Variants in TRPM3 observed in about 807,000 individuals in gnomAD.
The protein encoded by TRPM3 is transient receptor potential cation channel subfamily M member 3.
A neutral mutation model predicts 181.2 loss-of-function variants in TRPM3; 77 were observed. The ratio of observed to expected loss-of-function variants is 0.42; its 90% confidence interval spans 0.35 to 0.51. The LOEUF (loss-of-function observed/expected upper bound fraction) is 0.51, where lower values mean the gene tolerates loss of function less well. TRPM3 is among the 20% of genes least tolerant of loss of function. TRPM3 has a pLI of 0.01. For synonymous variants in TRPM3, 745 were observed against 796.4 expected (o/e 0.94, Z 1.09); for missense variants, 1,759 against 2,196.7 (o/e 0.80, Z 3.98).
chr9:70,557,652 C>A (rs1404771234), intron 22 of TRPM3, among the ~76,000 whole-genome samples: 1 of 152,126 alleles, frequency 6.6e-6, no homozygotes, highest in African/African-American at 2.4e-5. Flanking sequence ...CAGAGAAATG[C>A]CCCCGGGACA....
chr9:70,877,128 T>C (rs1390417193), intron 1 of TRPM3, among the ~76,000 whole-genome samples: 1 of 152,000 alleles, frequency 6.6e-6, no homozygotes, highest in Non-Finnish European at 1.5e-5. Flanking sequence ...AATTAGCTCA[T>C]GGCATTTCAT....
chr9:70,880,346 C>T (rs551731264), intron 1 of TRPM3, among the ~76,000 whole-genome samples: 1 of 152,028 alleles, frequency 6.6e-6, no homozygotes, highest in African/African-American at 2.4e-5. Context: ...TTTTTTAAGC[C>T]TTAGAAAATA....
At chr9:71,198,472 A>G (rs1209010005) in intron 1 of TRPM3, among the ~76,000 whole-genome samples, 1 of 152,204 alleles carries the variant, frequency 6.6e-6, no homozygotes, top group African/African-American at 2.4e-5. Context: ...CAGTATGGCC[A>G]TCTTCATGAT....
rs1370629477 is a variant in TRPM3 at position 70,573,987 on chromosome 9, C to CACAA, written c.3223+17043_3223+17044insTTGT. Among the ~76,000 whole-genome samples, 3 of 85,148 alleles carry CACAA rather than the reference C, an allele frequency of 3.5e-5. No homozygotes were observed. The East Asian group carries it at 7.6e-4, about 21-fold the overall frequency. The allele number at this position is 85,148 out of a possible 152,430, so 55.9% of individuals were successfully genotyped here. A position where few individuals can be genotyped will look rare whatever the true frequency, so the allele number is the denominator to read the frequency against. ...GCAATTCATTTCACACACACACACA[C>CACAA]ACACACACACACACACACACACACA... On this transcript the variant is annotated intron_variant, in intron 22 of 25. Transcript: ENST00000677713.
At chr9:70,876,461 G>T (rs1372069496) in intron 1 of TRPM3, among the ~76,000 whole-genome samples, 1 of 151,204 alleles carries the variant, frequency 6.6e-6, no homozygotes, top group Non-Finnish European at 1.5e-5. Flanking sequence ...AAATATGTAT[G>T]ATTAGTCGAT....
At chr9:70,795,183 A>G (rs572522702) in intron 6 of TRPM3, among the ~76,000 whole-genome samples, 241 of 152,334 alleles carry the variant, frequency 1.6e-3, no homozygotes, top group African/African-American at 5.5e-3. Flanking sequence ...TTTGGAACCA[A>G]TCCCCCATGG....
Position 70,862,847 on chromosome 9 carries a change from C to G in TRPM3, c.462+61G>C, listed in dbSNP as rs1207428558. The G allele has an allele frequency of 4.5e-6, 7 of 1,549,166 alleles. No homozygotes were observed. The African/African-American group carries it at 6.8e-5, about 15-fold the overall frequency. ...ACTAAATTTCATGCTCTTAACCACC[C>G]CTTTGCAGGACTTGAGACTTGAGAT... On this transcript the variant is annotated intron_variant, in intron 3 of 25. Transcript: ENST00000677713.
chr9:71,079,632 A>T (rs1055155431), intron 1 of TRPM3, among the ~76,000 whole-genome samples: 1 of 152,210 alleles, frequency 6.6e-6, no homozygotes, highest in Admixed American at 6.5e-5. Context: ...AATAATGCAT[A>T]TGAGTCTTCC....
chr9:70,799,429 A>G (rs1355607128), intron 6 of TRPM3, among the ~76,000 whole-genome samples: 1 of 152,238 alleles, frequency 6.6e-6, no homozygotes, highest in Non-Finnish European at 1.5e-5. Context: ...TTTTGAGAAA[A>G]ATAACTTGTT....
intron 8 of TRPM3, among the ~76,000 whole-genome samples, chr9:70,754,445 G>A (rs555067606): frequency 7.2e-5 from 11 of 152,214 alleles, no homozygotes; most frequent in South Asian, 2.1e-4. Flanking sequence ...TTTTTAAAGG[G>A]GACAGGTTTT....
chr9:71,293,606 G>GA (rs34356760), intron 1 of TRPM3, among the ~76,000 whole-genome samples: 37,924 of 148,722 alleles, frequency 0.25, 5,137 homozygotes, highest in Middle Eastern at 0.45. Context: ...TACATTTGTG[G>GA]AAAAAAAAAA....
intron 6 of TRPM3, among the ~76,000 whole-genome samples, chr9:70,789,528 G>A (rs149308931): frequency 4.8e-4 from 73 of 152,314 alleles, no homozygotes; most frequent in African/African-American, 1.7e-3. Flanking sequence ...TTGGAATGAA[G>A]TAAGCCAATT....
At chr9:70,608,715 C>A (rs1194428092) in intron 19 of TRPM3, among the ~76,000 whole-genome samples, 1 of 152,000 alleles carries the variant, frequency 6.6e-6, no homozygotes, top group Non-Finnish European at 1.5e-5. Flanking sequence ...TGGTGAACAC[C>A]TGTAATCCCA....
At chr9:71,107,815 G>A (rs754830182) in intron 1 of TRPM3, among the ~76,000 whole-genome samples, 2 of 152,022 alleles carry the variant, frequency 1.3e-5, no homozygotes, top group Non-Finnish European at 2.9e-5. Context: ...TTTAAACATG[G>A]TTAATTTTTC....
chr9:71,025,484 C>T lies in TRPM3; in HGVS notation c.177+95694G>A, dbSNP rs75459569. On this transcript the variant is annotated intron_variant, in intron 1 of 25. Coordinates refer to ENST00000677713, the MANE Select transcript of TRPM3 (RefSeq NM_001366145.2). Reference sequence around the variant, plus strand: ...GTATGGGCATGAAATATGTAAGACTCATACTTCAGAATGAACTATAATATG... The same window carrying T: ...GTATGGGCATGAAATATGTAAGACTTATACTTCAGAATGAACTATAATATG... Among the ~76,000 whole-genome samples, 754 of 152,282 alleles carry T rather than the reference C, an allele frequency of 5.0e-3. 19 individuals are homozygous for T. The East Asian group carries it at 0.078, about 16-fold the overall frequency.
intron 1 of TRPM3, among the ~76,000 whole-genome samples, chr9:70,867,474 C>G (rs974737379): frequency 6.6e-6 from 1 of 152,048 alleles, no homozygotes; most frequent in African/African-American, 2.4e-5. Flanking sequence ...AGCTTTGCTA[C>G]TTAATTACCT....
chr9:70,547,827 C>T (rs1355060854), intron 25 of TRPM3, among the ~76,000 whole-genome samples: 1 of 152,142 alleles, frequency 6.6e-6, no homozygotes, highest in Admixed American at 6.5e-5. Flanking sequence ...AGGAACAGGG[C>T]CTTGGGGAAG....
intron 25 of TRPM3, among the ~76,000 whole-genome samples, chr9:70,540,879 C>T (rs1175102678): frequency 6.6e-6 from 1 of 152,132 alleles, no homozygotes; most frequent in Non-Finnish European, 1.5e-5. Context: ...TGCACCACAA[C>T]ACCCAGCTAA....
At chr9:71,130,381 T>C (rs1299142651) in intron 1 of TRPM3, among the ~76,000 whole-genome samples, 1 of 152,210 alleles carries the variant, frequency 6.6e-6, no homozygotes, top group Non-Finnish European at 1.5e-5. Context: ...TTTGTTTCAA[T>C]GACACAAAAG....
Sources: gnomAD v4.1 joint callset for allele counts (sites outside exome capture counted in the v4.1 genomes callset) on GRCh38, gnomAD v4.1.1 for gene constraint, MANE v1.5 for transcripts, NCBI Gene and HGNC (gene_info 2026-07-23, HGNC 2026-07-21) for gene names.